VAT1L: variants seen among roughly 807,000 people sequenced by gnomAD.
VAT1L encodes putative NADPH-dependent quinone oxidoreductase VAT1L.
In VAT1L, 34 loss-of-function variants were observed where a neutral mutation model predicts 44.1. That is an observed-to-expected ratio of 0.77 (90% CI 0.59 to 1.03). VAT1L has a LOEUF of 1.03. VAT1L is among the 50% of genes least tolerant of loss of function. The pLI is 0.00. For synonymous variants in VAT1L, 253 were observed against 202.2 expected (o/e 1.25, Z -2.13); for missense variants, 615 against 538.8 (o/e 1.14, Z -1.40).
intron 3 of VAT1L, among the ~76,000 whole-genome samples, chr16:77,849,523 T>C (rs2016788173): frequency 6.6e-6 from 1 of 152,160 alleles, no homozygotes; most frequent in East Asian, 1.9e-4. Flanking sequence ...TAAACAATAT[T>C]AACAGTGAAA....
chr16:77,829,604 T>G (rs2016558072), intron 3 of VAT1L, among the ~76,000 whole-genome samples: 1 of 152,214 alleles, frequency 6.6e-6, no homozygotes, highest in East Asian at 1.9e-4. Context: ...GGCAGTGCTC[T>G]TAATAAGATC....
intron 7 of VAT1L, among the ~76,000 whole-genome samples, chr16:77,926,164 A>G (rs1429016636): frequency 6.7e-6 from 1 of 148,708 alleles, no homozygotes; most frequent in Admixed American, 6.8e-5. Flanking sequence ...GAGGCAGGAG[A>G]GTGGCGTGAA....
chr16:77,942,049 C>A (rs542599462), intron 7 of VAT1L, among the ~76,000 whole-genome samples: 1 of 152,168 alleles, frequency 6.6e-6, no homozygotes, highest in South Asian at 2.1e-4. Flanking sequence ...GGTTTTGATT[C>A]GCATTTCTCT....
intron 7 of VAT1L, among the ~76,000 whole-genome samples, chr16:77,898,453 C>T (rs1440574298): frequency 6.6e-6 from 1 of 152,192 alleles, no homozygotes; most frequent in East Asian, 1.9e-4. Flanking sequence ...GGGCAAACTC[C>T]AGATTAAGTT....
intron 3 of VAT1L, among the ~76,000 whole-genome samples, chr16:77,842,584 G>T (rs920153654): frequency 6.6e-6 from 1 of 152,220 alleles, no homozygotes; most frequent in Non-Finnish European, 1.5e-5. Context: ...AAGCCCAGGA[G>T]AACATGATAC....
At chr16:77,860,284 T>A (rs2142440994) in intron 3 of VAT1L, among the ~76,000 whole-genome samples, 2 of 152,260 alleles carry the variant, frequency 1.3e-5, no homozygotes, top group South Asian at 4.1e-4. Context: ...GAGTAACTCA[T>A]TCAGAGATGG....
At position 77,968,597 on chromosome 16, in the gene VAT1L, C is replaced by T. The variant is rs1044848018; in HGVS notation, c.1078-3253C>T. Among the ~76,000 whole-genome samples, 11 of 151,616 alleles carry T rather than the reference C, an allele frequency of 7.3e-5. No homozygotes were observed. In the Middle Eastern group the frequency reaches 0.01, roughly 141 times the overall value. On this transcript the variant is annotated intron_variant, in intron 7 of 8. Coordinates refer to ENST00000302536, the MANE Select transcript of VAT1L (RefSeq NM_020927.3). ...AAAATTAGCCGGGCGTGGTGGCAGG[C>T]GCCTGTAGTCCCAGCTACTCAGGAA...
rs757763273 is a variant in VAT1L, at chr16:77,825,852, T to TA, written c.579+396dup. Among the ~76,000 whole-genome samples, 218 of 26,320 alleles carry TA rather than the reference T, an allele frequency of 8.3e-3. 1 individual carries two copies. The highest frequency in any genetic ancestry group is 0.018 in the Admixed American group (35 of 1,996). The allele number at this position is 26,320 out of a possible 152,430, so 17.3% of individuals were successfully genotyped here. ...TAACACGGTGAAACCCCGTCTCTAC[T>TA]AAAAATAAAAAAAAAAAAAAATTAG... On this transcript the variant is annotated intron_variant, in intron 3 of 8. Coordinates refer to ENST00000302536, the MANE Select transcript of VAT1L (RefSeq NM_020927.3).
At chr16:77,896,603 GGGA>G (rs1269487507) in intron 7 of VAT1L, among the ~76,000 whole-genome samples, 3 of 152,330 alleles carry the variant, frequency 2.0e-5, no homozygotes, top group African/African-American at 7.2e-5. Context: ...AAGGTGCCAA[GGGA>G]GGAGAACACA....
chr16:77,917,104 A>T (rs1029709566), intron 7 of VAT1L, among the ~76,000 whole-genome samples: 1 of 152,170 alleles, frequency 6.6e-6, no homozygotes, highest in Non-Finnish European at 1.5e-5. Context: ...GAGCCTCTGA[A>T]ATATAAGCTA....
In VAT1L at chr16:77,857,836, C is replaced by T. The variant is rs868840411; in HGVS notation, c.580-4912C>T. 1.5e-3 allele frequency among the ~76,000 whole-genome samples: 220 copies of T among 143,502 alleles called. 4 individuals carry two copies. Among genetic ancestry groups the T allele is most frequent in the South Asian group, 1.8e-3 (8 of 4,540 alleles). 94.1% of individuals were successfully genotyped at this position (143,502 alleles called of 152,430 possible). ...TTTGGATTACCTATATTATCTCTCT[C>T]TTTTTTTTTTTTTTAACCATGTGCA... On this transcript the variant is annotated intron_variant, in intron 3 of 8. Coordinates refer to ENST00000302536, the MANE Select transcript of VAT1L (RefSeq NM_020927.3).
Position 77,913,296 on chromosome 16 carries a change from C to T in VAT1L, c.1077+28494C>T, listed in dbSNP as rs556790226. Reference sequence around the variant, plus strand: ...AATATTATATAACACATCTCTGTAACGTTTTTGTCTTGCAACTCTAAAACT... The same window carrying T: ...AATATTATATAACACATCTCTGTAATGTTTTTGTCTTGCAACTCTAAAACT... On this transcript the variant is annotated intron_variant, in intron 7 of 8. Coordinates refer to ENST00000302536, the MANE Select transcript of VAT1L (RefSeq NM_020927.3). Among the ~76,000 whole-genome samples, 219 of 152,262 alleles carry T rather than the reference C, an allele frequency of 1.4e-3. 1 individual carries two copies. Among genetic ancestry groups the T allele is most frequent in the Non-Finnish European group, 2.6e-3 (179 of 68,024 alleles).
intron 4 of VAT1L, among the ~76,000 whole-genome samples, chr16:77,870,539 A>C (rs927585076): frequency 3.3e-5 from 5 of 152,208 alleles, no homozygotes; most frequent in African/African-American, 1.2e-4. Flanking sequence ...AAGAGGCAGC[A>C]TTCACCATCC....
chr16:77,862,623 TAAAAAAAAAAAAAAAA>T, intron 3 of VAT1L, 109 bp from the exon 4 acceptor site: 1 of 395,502 alleles, frequency 2.5e-6, no homozygotes, highest in Non-Finnish European at 3.9e-6. Context: ...ACTCCATCTC[TAAAAAAAAAAAAAAAA>T]AAAAAAAAGT....
intron 5 of VAT1L, among the ~76,000 whole-genome samples, chr16:77,878,161 C>T (rs1250814403): frequency 8.5e-5 from 13 of 152,142 alleles, no homozygotes; most frequent in Admixed American, 7.9e-4. Flanking sequence ...TGGGATGCCC[C>T]GTGGTACTCA....
intron 1 of VAT1L, among the ~76,000 whole-genome samples, chr16:77,813,130 AACAGGGGC>A (rs2016293325): frequency 6.6e-6 from 1 of 151,976 alleles, no homozygotes; most frequent in Non-Finnish European, 1.5e-5. Context: ...AATTGTGCAA[AACAGGGGC>A]ATTGACATGC....
chr16:77,813,589 T>C (rs1368463631), intron 1 of VAT1L, among the ~76,000 whole-genome samples: 1 of 152,198 alleles, frequency 6.6e-6, no homozygotes, highest in Non-Finnish European at 1.5e-5. Context: ...GGGAGTTGGG[T>C]TGACTCTGTT....
chr16:77,792,997 A>T (rs959567027), intron 1 of VAT1L, among the ~76,000 whole-genome samples: 17 of 152,304 alleles, frequency 1.1e-4, no homozygotes, highest in Admixed American at 3.3e-4. Flanking sequence ...TATTATTCAA[A>T]CTGGAACTCT....
rs565496208 is a variant in VAT1L, at chr16:77,905,856, C to G, written c.1077+21054C>G. Reference sequence around the variant, plus strand: ...TAAAAAGAGTCAATAGCTACTGCATCTCTCCCTGACATTCCAAGCGTTCTG... The same window carrying G: ...TAAAAAGAGTCAATAGCTACTGCATGTCTCCCTGACATTCCAAGCGTTCTG... On this transcript the variant is annotated intron_variant, in intron 7 of 8. Transcript: ENST00000302536. Among the ~76,000 whole-genome samples, 17 of 152,324 alleles carry G rather than the reference C, an allele frequency of 1.1e-4. No individual in the cohort carries two copies. The Middle Eastern group carries it at 0.014, about 122-fold the overall frequency.
Sources: allele counts gnomAD v4.1 joint callset (sites outside exome capture counted in the v4.1 genomes callset), GRCh38; gene constraint gnomAD v4.1.1; transcripts MANE v1.5; gene names NCBI Gene and HGNC (gene_info 2026-07-23, HGNC 2026-07-21).